The following PXDNL variants were observed in gnomAD, a reference collection of about 807,000 sequenced individuals.
PXDNL encodes peroxidasin like, also known as probable oxidoreductase PXDNL.
In PXDNL, 145 loss-of-function variants were observed where a neutral mutation model predicts 150.8. That is an observed-to-expected ratio of 0.96 (90% CI 0.84 to 1.10). PXDNL has a LOEUF of 1.10. Ranked by LOEUF, PXDNL falls within the 50% of genes least tolerant of loss-of-function variation. The pLI, the probability that PXDNL is intolerant of heterozygous loss-of-function variation, is 0.00. For synonymous variants in PXDNL, 757 were observed against 725.7 expected (o/e 1.04, Z -0.69); for missense variants, 2,087 against 1,873.9 (o/e 1.11, Z -2.10).
chr8:51,534,864 T>C (rs1400446878), intron 4 of PXDNL, among the ~76,000 whole-genome samples: 16 of 67,448 alleles, frequency 2.4e-4, no homozygotes, highest in East Asian at 1.8e-3. Context: ...GCCCCCCGCC[T>C]GGCCAGCCGC....
At position 51,675,928 on chromosome 8, in the gene PXDNL, T is replaced by C. The variant is rs147328047; in HGVS notation, c.165-21168A>G. On this transcript the variant is annotated intron_variant, in intron 1 of 22. Transcript: ENST00000356297. The stretch of plus-strand genomic sequence containing the variant: ...ATATAGAAAGCAGACTTTCTAAAAG[T>C]CACGTATATAGATTCATAACCCATT... Among the ~76,000 whole-genome samples the C allele has an allele frequency of 8.9e-3, 1,350 of 152,182 alleles. 3 individuals are homozygous for C. The highest frequency in any genetic ancestry group is 0.014 in the Non-Finnish European group (954 of 68,010).
chr8:51,379,369 A>C (rs929930289), intron 17 of PXDNL, among the ~76,000 whole-genome samples: 1 of 152,164 alleles, frequency 6.6e-6, no homozygotes, highest in African/African-American at 2.4e-5. Flanking sequence ...TTTTCAAAAA[A>C]TTTTTGGTAA....
chr8:51,507,133 A>G (rs768281271), intron 4 of PXDNL, among the ~76,000 whole-genome samples: 2 of 152,184 alleles, frequency 1.3e-5, no homozygotes, highest in Non-Finnish European at 2.9e-5. Flanking sequence ...CAGAGACTGG[A>G]ATTAGGTGAG....
rs938148581 is a variant in PXDNL at position 51,334,903 on chromosome 8, C to A, written c.4146+4721G>T. On this transcript the variant is annotated intron_variant, in intron 21 of 22. Transcript: ENST00000356297. ...ACAATTTTGATTAGCTAATCTCCAG[C>A]CACACTGAACATCAATCTGTTCCTT... Among the ~76,000 whole-genome samples, 45 of 152,176 alleles carry A rather than the reference C, an allele frequency of 3.0e-4. 1 individual carries two copies. Among genetic ancestry groups the A allele is most frequent in the Non-Finnish European group, 1.5e-4 (10 of 68,024 alleles).
At chr8:51,441,382 C>T (rs77142907) in intron 12 of PXDNL, among the ~76,000 whole-genome samples, 1,984 of 152,234 alleles carry the variant, frequency 0.013, 38 homozygotes, top group African/African-American at 0.046. Context: ...GAGTTGCCTC[C>T]CTTCAAATTG....
chr8:51,490,628 A>G (rs1446693021), intron 5 of PXDNL, among the ~76,000 whole-genome samples: 2 of 146,102 alleles, frequency 1.4e-5, no homozygotes, highest in East Asian at 3.9e-4. Flanking sequence ...TGAGTCACAT[A>G]TATATATACA....
intron 4 of PXDNL, among the ~76,000 whole-genome samples, chr8:51,506,673 C>G (rs1811301363): frequency 6.6e-6 from 1 of 151,324 alleles, no homozygotes; most frequent in South Asian, 2.1e-4. Flanking sequence ...CTCTTTTTGC[C>G]TGAACTAATA....
At chr8:51,502,168 T>C (rs1257506588) in intron 4 of PXDNL, among the ~76,000 whole-genome samples, 1 of 152,342 alleles carries the variant, frequency 6.6e-6, no homozygotes, top group East Asian at 1.9e-4. Flanking sequence ...GTAGGTTCTA[T>C]AAATACACCA....
At chr8:51,534,369 C>A in intron 4 of PXDNL, among the ~76,000 whole-genome samples, 1 of 147,266 alleles carries the variant, frequency 6.8e-6, no homozygotes, top group Non-Finnish European at 1.5e-5. Context: ...GGGTCAGCCC[C>A]CGCCAGGCCA....
intron 4 of PXDNL, among the ~76,000 whole-genome samples, chr8:51,515,133 C>A (rs1247817250): frequency 6.6e-6 from 1 of 152,196 alleles, no homozygotes; most frequent in African/African-American, 2.4e-5. Context: ...TTGAAGCCCC[C>A]AGGTGGATGC....
At chr8:51,637,431 G>A (rs961153606) in intron 2 of PXDNL, among the ~76,000 whole-genome samples, 11 of 152,198 alleles carry the variant, frequency 7.2e-5, no homozygotes, top group East Asian at 1.9e-4. Flanking sequence ...CGAACCCATC[G>A]CAAAGAAGCC....
At position 51,435,656 on chromosome 8, in the gene PXDNL, C is replaced by A; in HGVS notation, c.1526-8898G>T. On this transcript the variant is annotated intron_variant, in intron 12 of 22. Transcript: ENST00000356297. ...AGGCGTGGCAGTTCAGGCGAAGAACCCAGAAAGAAGCGAAAAAGAGGCGGA... is the reference window on the plus strand; with the variant it reads ...AGGCGTGGCAGTTCAGGCGAAGAACACAGAAAGAAGCGAAAAAGAGGCGGA... 1.4e-5 allele frequency: 3 copies of A among 220,248 alleles called. No homozygotes were observed. The South Asian group carries it at 2.2e-4, about 16-fold the overall frequency. The allele number at this position is 220,248 out of a possible 1,614,324, so 13.6% of individuals were successfully genotyped here.
chr8:51,369,184 G>A (rs186767715), intron 19 of PXDNL, among the ~76,000 whole-genome samples: 14 of 152,184 alleles, frequency 9.2e-5, no homozygotes, highest in Admixed American at 9.2e-4. Flanking sequence ...CTCTGTTTGG[G>A]AAATTCGCAA....
At chr8:51,483,211 T>C (rs761857414) in intron 6 of PXDNL, among the ~76,000 whole-genome samples, 1 of 152,158 alleles carries the variant, frequency 6.6e-6, no homozygotes, top group Non-Finnish European at 1.5e-5. Context: ...GGGATTTTTG[T>C]TTTGTTTTGC....
At chr8:51,367,899 G>A (rs752518132) in intron 19 of PXDNL, among the ~76,000 whole-genome samples, 6 of 152,124 alleles carry the variant, frequency 3.9e-5, no homozygotes, top group African/African-American at 9.7e-5. Flanking sequence ...AGGCCGAGAC[G>A]GGTGGATCAC....
chr8:51,378,724 A>G (rs1248425327), intron 17 of PXDNL, among the ~76,000 whole-genome samples: 1 of 148,894 alleles, frequency 6.7e-6, no homozygotes, highest in Non-Finnish European at 1.5e-5. Flanking sequence ...CCACTGGGAC[A>G]GGACGGGAGG....
intron 5 of PXDNL, among the ~76,000 whole-genome samples, chr8:51,497,553 T>C (rs899499992): frequency 5.3e-5 from 8 of 150,532 alleles, no homozygotes; most frequent in African/African-American, 2.0e-4. Context: ...AGGGCTAATA[T>C]CCAGAATCTA....
chr8:51,779,611 G>A (rs2037390531), intron 1 of PXDNL, among the ~76,000 whole-genome samples: 1 of 152,198 alleles, frequency 6.6e-6, no homozygotes, highest in South Asian at 2.1e-4. Flanking sequence ...GACAGGGAGT[G>A]CTGATGGCAC....
intron 17 of PXDNL, among the ~76,000 whole-genome samples, chr8:51,406,700 C>T (rs1477882592): frequency 1.3e-5 from 2 of 152,134 alleles, no homozygotes. Flanking sequence ...TGCTGTGAGC[C>T]TTCCATTTCT....
Sources: allele counts gnomAD v4.1 joint callset (sites outside exome capture counted in the v4.1 genomes callset), GRCh38; gene constraint gnomAD v4.1.1; transcripts MANE v1.5; gene names NCBI Gene and HGNC (gene_info 2026-07-23, HGNC 2026-07-21).